SDK1: variants seen among roughly 807,000 people sequenced by gnomAD.
SDK1 encodes the protein protein sidekick-1.
In SDK1, 157 loss-of-function variants were observed where a neutral mutation model predicts 245.5. That is an observed-to-expected ratio of 0.64 (90% CI 0.56 to 0.73). The LOEUF is 0.73. Among genes scored for constraint, SDK1 ranks in the 30% least tolerant of loss-of-function variants. The pLI is 0.00. For missense variants in SDK1, 3,583 were observed against 3,002.3 expected (o/e 1.19, Z -4.52); for synonymous variants, 1,647 against 1,278.5 (o/e 1.29, Z -6.15).
At chr7:4,147,023 G>T (rs1231282008) in intron 29 of SDK1, among the ~76,000 whole-genome samples, 1 of 152,182 alleles carries the variant, frequency 6.6e-6, no homozygotes, top group East Asian at 1.9e-4. Flanking sequence ...AGCGTCCAGG[G>T]TTGGTGCCAC....
At chr7:3,852,457 T>G (rs1780441117) in intron 5 of SDK1, among the ~76,000 whole-genome samples, 1 of 150,612 alleles carries the variant, frequency 6.6e-6, no homozygotes, top group Admixed American at 6.6e-5. Flanking sequence ...TATTTAAAAG[T>G]TTTTTTTTGG....
chr7:3,522,228 A>G (rs1782963639), intron 1 of SDK1, among the ~76,000 whole-genome samples: 1 of 152,096 alleles, frequency 6.6e-6, no homozygotes, highest in Non-Finnish European at 1.5e-5. Context: ...AGTGCTTCAC[A>G]TACTTTTCAG....
At chr7:3,678,946 C>T (rs1784005926) in intron 4 of SDK1, among the ~76,000 whole-genome samples, 1 of 152,090 alleles carries the variant, frequency 6.6e-6, no homozygotes, top group Non-Finnish European at 1.5e-5. Flanking sequence ...ACAACAACAA[C>T]AAAATGACAA....
chr7:3,947,221 C>T (rs1161794645), intron 5 of SDK1, among the ~76,000 whole-genome samples: 1 of 152,150 alleles, frequency 6.6e-6, no homozygotes, highest in African/African-American at 2.4e-5. Flanking sequence ...GCTTTTCACT[C>T]CCTGTTGTGT....
intron 35 of SDK1, among the ~76,000 whole-genome samples, chr7:4,202,761 T>C (rs1783965441): frequency 2.0e-5 from 3 of 151,558 alleles, no homozygotes; most frequent in Admixed American, 2.0e-4. Flanking sequence ...CCGTTTTGTT[T>C]TGTTTTTTTC....
At chr7:3,953,252 G>T (rs1019987431) in intron 7 of SDK1, among the ~76,000 whole-genome samples, 1 of 151,732 alleles carries the variant, frequency 6.6e-6, no homozygotes, top group Non-Finnish European at 1.5e-5. Flanking sequence ...CCTTGATCAC[G>T]TCCCATTCCT....
Position 3,473,794 on chromosome 7 carries a change from G to T in SDK1, c.299-145286G>T, listed in dbSNP as rs116747441. On this transcript the variant is annotated intron_variant, in intron 1 of 44. Coordinates refer to ENST00000404826, the MANE Select transcript of SDK1 (RefSeq NM_152744.4). Reference sequence around the variant, plus strand: ...ATATGTGTAATAATGTTCAGGGAGTGTGATGAACATGAGCTGAAAATTTTA... The same window carrying T: ...ATATGTGTAATAATGTTCAGGGAGTTTGATGAACATGAGCTGAAAATTTTA... Among the ~76,000 whole-genome samples the T allele has an allele frequency of 4.2e-3, 641 of 152,212 alleles. 7 individuals are homozygous for T. The highest frequency in any genetic ancestry group is 0.014 in the African/African-American group (595 of 41,532).
intron 1 of SDK1, among the ~76,000 whole-genome samples, chr7:3,564,544 G>A (rs1779847919): frequency 6.6e-6 from 1 of 151,862 alleles, no homozygotes; most frequent in Admixed American, 6.6e-5. Context: ...AATAGCTGTA[G>A]ACCAAAGAAA....
At chr7:4,097,256 A>G (rs899919005) in intron 22 of SDK1, among the ~76,000 whole-genome samples, 1 of 86,332 alleles carries the variant, frequency 1.2e-5, no homozygotes, top group African/African-American at 7.3e-5. Flanking sequence ...CAGGAAGCAG[A>G]CAGCTCCTGT....
At chr7:3,372,850 T>G (rs370810302) in intron 1 of SDK1, among the ~76,000 whole-genome samples, 1 of 152,188 alleles carries the variant, frequency 6.6e-6, no homozygotes, top group East Asian at 1.9e-4. Flanking sequence ...AAAGCCAGAG[T>G]TACCTAAATT....
intron 1 of SDK1, among the ~76,000 whole-genome samples, chr7:3,334,464 C>T (rs1003443548): frequency 1.3e-5 from 2 of 151,954 alleles, no homozygotes; most frequent in African/African-American, 2.4e-5. Flanking sequence ...GTCATAGCCC[C>T]GTAGAGAGTG....
At chr7:3,859,778 C>T (rs1235124265) in intron 5 of SDK1, among the ~76,000 whole-genome samples, 2 of 152,180 alleles carry the variant, frequency 1.3e-5, no homozygotes, top group African/African-American at 4.8e-5. Context: ...CTGTGTCACT[C>T]ACGTCACACT....
At chr7:3,323,286 G>A (rs4343997) in intron 1 of SDK1, among the ~76,000 whole-genome samples, 29,878 of 152,136 alleles carry the variant, frequency 0.2, 2,983 homozygotes, top group African/African-American at 0.24. Flanking sequence ...AGTACCTGAT[G>A]TCTGATGGGA....
intron 1 of SDK1, among the ~76,000 whole-genome samples, chr7:3,408,902 C>T (rs566599748): frequency 9.9e-5 from 15 of 152,242 alleles, no homozygotes; most frequent in East Asian, 3.9e-4. Context: ...TTTGCAGTTT[C>T]GAAATAATTA....
intron 4 of SDK1, among the ~76,000 whole-genome samples, chr7:3,749,453 C>A (rs903236853): frequency 1.3e-5 from 2 of 152,226 alleles, no homozygotes; most frequent in African/African-American, 4.8e-5. Context: ...GCGTGTACCA[C>A]CACGCCTGGC....
chr7:3,585,004 G>A (rs1265080529), intron 1 of SDK1, among the ~76,000 whole-genome samples: 1 of 152,106 alleles, frequency 6.6e-6, no homozygotes, highest in Non-Finnish European at 1.5e-5. Flanking sequence ...GATTACAGAC[G>A]TGAGCCACCG....
chr7:4,074,985 A>G (rs1215882257), intron 20 of SDK1, among the ~76,000 whole-genome samples: 4 of 146,816 alleles, frequency 2.7e-5, no homozygotes, highest in Non-Finnish European at 5.9e-5. Flanking sequence ...TGGCCTGGGT[A>G]GTCGGCCTTC....
chr7:3,434,245 C>G (rs1302002735), intron 1 of SDK1, among the ~76,000 whole-genome samples: 3 of 152,162 alleles, frequency 2.0e-5, no homozygotes, highest in African/African-American at 7.2e-5. Flanking sequence ...ATTAGGAAAT[C>G]ATGTTTTAAA....
intron 1 of SDK1, among the ~76,000 whole-genome samples, chr7:3,613,086 C>G (rs1781656938): frequency 6.6e-6 from 1 of 152,170 alleles, no homozygotes. Context: ...GTTCAACTTG[C>G]TTGATACCTC....
Sources: allele counts gnomAD v4.1 joint callset (sites outside exome capture counted in the v4.1 genomes callset), GRCh38; gene constraint gnomAD v4.1.1; transcripts MANE v1.5; gene names NCBI Gene and HGNC (gene_info 2026-07-23, HGNC 2026-07-21).